The following NXPE4 variants were observed in gnomAD, a reference collection of about 807,000 sequenced individuals.
The protein encoded by NXPE4 is neurexophilin and PC-esterase domain family member 4.
In NXPE4, 42 loss-of-function variants were observed where a neutral mutation model predicts 33.3. That is an observed-to-expected ratio of 1.26 (90% CI 0.98 to 1.63). The LOEUF (loss-of-function observed/expected upper bound fraction) is 1.63, where lower values mean the gene tolerates loss of function less well. NXPE4 is among the 40% of genes most tolerant of loss of function. The pLI is 0.00. For missense variants in NXPE4, 709 were observed against 647.6 expected (o/e 1.09, Z -1.03); for synonymous variants, 253 against 234.9 (o/e 1.08, Z -0.71).
intron 1 of NXPE4, 41 bp from the exon 2 acceptor site, chr11:114,594,810 C>T (rs1262326274): frequency 2.0e-6 from 2 of 1,013,278 alleles, no homozygotes; most frequent in South Asian, 1.4e-5. Flanking sequence ...AAACATACAA[C>T]AAAACAGAAA....
the NXPE4 span, among the ~76,000 whole-genome samples, chr11:114,644,054 GCTCT>G: frequency 0.095 from 14,446 of 151,776 alleles, 823 homozygotes; most frequent in African/African-American, 0.16. Flanking sequence ...TAATGTTTTG[GCTCT>G]CTATTATTGG....
At chr11:114,623,191 G>T in the NXPE4 span, among the ~76,000 whole-genome samples, 3 of 151,892 alleles carry the variant, frequency 2.0e-5, no homozygotes, top group Non-Finnish European at 2.9e-5. Context: ...TGCCTCTAGG[G>T]TAACCATTGT....
At chr11:114,601,074 T>C in the NXPE4 span, among the ~76,000 whole-genome samples, 2,748 of 152,012 alleles carry the variant, frequency 0.018, 79 homozygotes, top group African/African-American at 0.063. Flanking sequence ...CACACTGTTG[T>C]TTTTTGTTTT....
the NXPE4 span, among the ~76,000 whole-genome samples, chr11:114,672,321 AAATTT>A: frequency 6.6e-6 from 1 of 151,976 alleles, no homozygotes; most frequent in Non-Finnish European, 1.5e-5. Context: ...AACAATCCCT[AAATTT>A]TTTCAAAATA....
At chr11:114,632,457 T>A in the NXPE4 span, among the ~76,000 whole-genome samples, 1 of 129,308 alleles carries the variant, frequency 7.7e-6, no homozygotes, top group East Asian at 2.1e-4. Context: ...TTTATAAGAG[T>A]TATACATTAT....
intron 2 of NXPE4, among the ~76,000 whole-genome samples, chr11:114,589,832 A>G (rs924274993): frequency 1.1e-4 from 17 of 152,178 alleles, no homozygotes; most frequent in Admixed American, 2.0e-4. Context: ...AGTCCCTACA[A>G]CACCCCAATA....
chr11:114,626,151 G>T, the NXPE4 span, among the ~76,000 whole-genome samples: 2 of 152,186 alleles, frequency 1.3e-5, no homozygotes, highest in South Asian at 2.1e-4. Flanking sequence ...CAGCCGGGAA[G>T]CTCGAACTGG....
chr11:114,661,836 C>G, the NXPE4 span, among the ~76,000 whole-genome samples: 1 of 151,898 alleles, frequency 6.6e-6, no homozygotes, highest in East Asian at 1.9e-4. Context: ...CAGAGGTTGA[C>G]AGAAAAAAAA....
At chr11:114,671,882 C>G in the NXPE4 span, among the ~76,000 whole-genome samples, 1 of 152,032 alleles carries the variant, frequency 6.6e-6, no homozygotes, top group South Asian at 2.1e-4. Flanking sequence ...TGTTCTCACA[C>G]TGCTATAAAG....
chr11:114,622,966 T>C, the NXPE4 span, among the ~76,000 whole-genome samples: 1 of 150,598 alleles, frequency 6.6e-6, no homozygotes, highest in East Asian at 2.0e-4. Flanking sequence ...TTGGGTAATA[T>C]GTATTGCCTC....
chr11:114,664,687 T>C, the NXPE4 span, among the ~76,000 whole-genome samples: 1 of 152,168 alleles, frequency 6.6e-6, no homozygotes, highest in Admixed American at 6.5e-5. Context: ...TGTTGACTCA[T>C]AAAGTGGTGC....
At chr11:114,661,275 A>G in the NXPE4 span, among the ~76,000 whole-genome samples, 2 of 152,198 alleles carry the variant, frequency 1.3e-5, no homozygotes, top group Non-Finnish European at 2.9e-5. Context: ...GTTGAAAGGT[A>G]AGGGAAATAG....
the NXPE4 span, among the ~76,000 whole-genome samples, chr11:114,612,510 C>G: frequency 6.6e-6 from 1 of 151,150 alleles, no homozygotes; most frequent in Non-Finnish European, 1.5e-5. Flanking sequence ...ATAAGTGTTT[C>G]CTCGGGGGTA....
At chr11:114,611,662 A>G in the NXPE4 span, among the ~76,000 whole-genome samples, 1 of 151,940 alleles carries the variant, frequency 6.6e-6, no homozygotes, top group South Asian at 2.1e-4. Flanking sequence ...CCTGGTGGAT[A>G]ATACGTGTTG....
At chr11:114,669,432 G>C in the NXPE4 span, among the ~76,000 whole-genome samples, 3 of 152,016 alleles carry the variant, frequency 2.0e-5, no homozygotes, top group Non-Finnish European at 4.4e-5. Flanking sequence ...TATCTTACCT[G>C]AAGGGTAAGA....
At chr11:114,601,324 A>T in the NXPE4 span, among the ~76,000 whole-genome samples, 14 of 149,194 alleles carry the variant, frequency 9.4e-5, no homozygotes, top group African/African-American at 3.0e-4. Context: ...AATCCCACTT[A>T]TAAGTGAGAA....
chr11:114,659,267 G>T, the NXPE4 span, among the ~76,000 whole-genome samples: 1 of 152,132 alleles, frequency 6.6e-6, no homozygotes, highest in East Asian at 1.9e-4. Context: ...CCATAGTAAA[G>T]AGCAAGGCAA....
chr11:114,678,042 T>C, the NXPE4 span, among the ~76,000 whole-genome samples: 5 of 152,114 alleles, frequency 3.3e-5, no homozygotes, highest in African/African-American at 9.7e-5. Flanking sequence ...ATCATCGCTG[T>C]GGGACTGCTT....
chr11:114,674,101 A>G, the NXPE4 span, among the ~76,000 whole-genome samples: 2 of 77,608 alleles, frequency 2.6e-5, no homozygotes, highest in African/African-American at 9.9e-5. Flanking sequence ...AAACAAACAA[A>G]CAAACAAACA....
Sources: gnomAD v4.1 joint callset for allele counts (sites outside exome capture counted in the v4.1 genomes callset) on GRCh38, gnomAD v4.1.1 for gene constraint, MANE v1.5 for transcripts, NCBI Gene and HGNC (gene_info 2026-07-23, HGNC 2026-07-21) for gene names.